The following TBC1D4 variants were observed in gnomAD, a reference collection of about 807,000 sequenced individuals.
The protein encoded by TBC1D4 is TBC (Tre-2, BUB2, CDC16) domain-containing protein.
In TBC1D4, 121 loss-of-function variants were observed where a neutral mutation model predicts 142.5. The observed-to-expected ratio is 0.85, with a 90% CI of 0.73 to 0.99. TBC1D4 has a LOEUF of 0.99. TBC1D4 is among the 50% of genes least tolerant of loss of function. The pLI, the probability that TBC1D4 is intolerant of heterozygous loss-of-function variation, is 0.00. For synonymous variants in TBC1D4, 630 were observed against 628.2 expected, an observed-to-expected ratio of 1.00 and a Z score of -0.04; for missense variants, 1,475 against 1,606.6, an observed-to-expected ratio of 0.92 and a Z score of 1.40.
At chr13:75,473,902 T>G (rs9543941) in intron 1 of TBC1D4, among the ~76,000 whole-genome samples, 16,577 of 152,240 alleles carry the variant, frequency 0.11, 1,051 homozygotes, top group Non-Finnish European at 0.14. Flanking sequence ...ATGGTTTACT[T>G]GTTTTTAAAT....
chr13:75,350,269 T>A (rs1346960593), intron 4 of TBC1D4, among the ~76,000 whole-genome samples: 1 of 152,186 alleles, frequency 6.6e-6, no homozygotes, highest in African/African-American at 2.4e-5. Flanking sequence ...TTTTATATTC[T>A]TTTCCCCTTC....
At chr13:75,443,335 T>G (rs943905786) in intron 1 of TBC1D4, among the ~76,000 whole-genome samples, 16 of 152,220 alleles carry the variant, frequency 1.1e-4, no homozygotes, top group African/African-American at 3.9e-4. Flanking sequence ...GTTTGAGTAT[T>G]TTTGTTATAA....
intron 1 of TBC1D4, among the ~76,000 whole-genome samples, chr13:75,399,094 C>A (rs1309064094): frequency 1.3e-5 from 2 of 152,184 alleles, no homozygotes; most frequent in East Asian, 1.9e-4. Context: ...GTAATCCCAG[C>A]ACTTTGGGAG....
intron 1 of TBC1D4, among the ~76,000 whole-genome samples, chr13:75,420,026 G>A (rs113290672): frequency 5.9e-5 from 9 of 152,304 alleles, no homozygotes; most frequent in Non-Finnish European, 8.8e-5. Context: ...AGAACACTGC[G>A]TGAACAAACA....
intron 12 of TBC1D4, among the ~76,000 whole-genome samples, chr13:75,316,160 C>A (rs1385898007): frequency 1.3e-5 from 2 of 152,062 alleles, no homozygotes; most frequent in Non-Finnish European, 2.9e-5. Context: ...AATCACCTTC[C>A]AATTCACTGC....
chr13:75,399,328 T>C (rs183907657), intron 1 of TBC1D4, among the ~76,000 whole-genome samples: 1 of 152,254 alleles, frequency 6.6e-6, no homozygotes, highest in African/African-American at 2.4e-5. Flanking sequence ...AGGCTGAGAA[T>C]TGGCTGAATT....
chr13:75,480,588 TCTA>T (rs1221745216), intron 1 of TBC1D4, among the ~76,000 whole-genome samples: 2 of 152,210 alleles, frequency 1.3e-5, no homozygotes, highest in Non-Finnish European at 2.9e-5. Context: ...AGAAACCTGT[TCTA>T]CTACACTGCC....
chr13:75,427,648 C>G (rs1180664036), intron 1 of TBC1D4, among the ~76,000 whole-genome samples: 2 of 152,226 alleles, frequency 1.3e-5, no homozygotes, highest in South Asian at 2.1e-4. Context: ...TTTAGACCTC[C>G]CTCGGCACTT....
At chr13:75,464,760 A>C (rs1291793517) in intron 1 of TBC1D4, among the ~76,000 whole-genome samples, 3 of 152,196 alleles carry the variant, frequency 2.0e-5, no homozygotes, top group African/African-American at 7.2e-5. Context: ...ACAAACTTAC[A>C]AACTGGCTTG....
At chr13:75,363,813 G>A (rs7327630) in intron 1 of TBC1D4, among the ~76,000 whole-genome samples, 30,367 of 152,140 alleles carry the variant, frequency 0.2, 3,319 homozygotes, top group East Asian at 0.34. Flanking sequence ...CAATCCAAAC[G>A]TCCATCAGCA....
rs567073672 is a variant in TBC1D4, at chr13:75,283,964, GGCTCACTGCAA to G, written c.*2817_*2827del. On this transcript the variant is annotated 3_prime_UTR_variant, in exon 21 of 21. Coordinates refer to ENST00000377636, the MANE Select transcript of TBC1D4 (RefSeq NM_014832.5). ...CCAGGCTAGAGTGCAGTGGCATGAT[GGCTCACTGCAA>G]GCTCACTGCAAGCTCCGCCTCCCAG... Among the ~76,000 whole-genome samples the G allele has an allele frequency of 1.3e-4, 19 of 151,938 alleles. No individual in the cohort carries two copies. In the South Asian group the frequency reaches 2.1e-3, roughly 17 times the overall value.
chr13:75,407,399 C>T lies in TBC1D4; in HGVS notation c.499-44792G>A, dbSNP rs1391538281. On this transcript the variant is annotated intron_variant, in intron 1 of 20. Coordinates refer to ENST00000377636, the MANE Select transcript of TBC1D4 (RefSeq NM_014832.5). The stretch of plus-strand genomic sequence containing the variant: ...GCCGGAAAGATTACACTTCTGAATT[C>T]TAGGAAGATGGCCACAGCAATGGAA... Among the ~76,000 whole-genome samples, 3 of 152,158 alleles carry T rather than the reference C, an allele frequency of 2.0e-5. No individual in the cohort carries two copies. In the East Asian group the frequency reaches 5.8e-4, roughly 29 times the overall value.
intron 1 of TBC1D4, among the ~76,000 whole-genome samples, chr13:75,410,914 C>A (rs1448864581): frequency 1.9e-5 from 2 of 106,686 alleles, no homozygotes; most frequent in African/African-American, 7.2e-5. Context: ...CCAGCCTGGG[C>A]GACAGAGCGA....
At chr13:75,469,784 C>CA (rs1478165360) in intron 1 of TBC1D4, among the ~76,000 whole-genome samples, 1 of 151,824 alleles carries the variant, frequency 6.6e-6, no homozygotes, top group Non-Finnish European at 1.5e-5. Flanking sequence ...CCTACCCCTC[C>CA]AAAAAAAGAG....
intron 16 of TBC1D4, among the ~76,000 whole-genome samples, chr13:75,301,177 T>C (rs576191): frequency 2.0e-3 from 299 of 152,238 alleles, no homozygotes; most frequent in African/African-American, 7.0e-3. Flanking sequence ...ACCTGACATA[T>C]ATCAACTTTT....
At chr13:75,328,385 A>G (rs1416892677) in intron 8 of TBC1D4, among the ~76,000 whole-genome samples, 1 of 152,210 alleles carries the variant, frequency 6.6e-6, no homozygotes, top group African/African-American at 2.4e-5. Context: ...GTCTGCTTCA[A>G]TACTGGTGAA....
In TBC1D4 at chr13:75,372,822, TAATAA is replaced by T. The variant is rs543419473; in HGVS notation, c.499-10220_499-10216del. On this transcript the variant is annotated intron_variant, in intron 1 of 20. Coordinates refer to ENST00000377636, the MANE Select transcript of TBC1D4 (RefSeq NM_014832.5). ...AAGTTTGGCAATAAAATTAATAAGT[TAATAA>T]AATAAAGTTAGACTGAAAAAATTTG... is the stretch of plus-strand genomic sequence containing the variant. Among the ~76,000 whole-genome samples, 5 of 152,322 alleles carry T rather than the reference TAATAA, an allele frequency of 3.3e-5. No homozygotes were observed. The South Asian group carries it at 8.3e-4, about 25-fold the overall frequency.
chr13:75,321,313 C>T (rs1238449354), intron 11 of TBC1D4, among the ~76,000 whole-genome samples: 4 of 152,014 alleles, frequency 2.6e-5, no homozygotes, highest in African/African-American at 9.6e-5. Flanking sequence ...TTTCAGAAAC[C>T]ATGCTCTTGA....
chr13:75,299,823 CA>C (rs56719877), intron 16 of TBC1D4, among the ~76,000 whole-genome samples: 1,840 of 105,836 alleles, frequency 0.017, 22 homozygotes, highest in East Asian at 0.093. Context: ...TTCTTTCCAG[CA>C]AAAAAAAAAA....
Sources: allele counts gnomAD v4.1 joint callset (sites outside exome capture counted in the v4.1 genomes callset), GRCh38; gene constraint gnomAD v4.1.1; transcripts MANE v1.5; gene names NCBI Gene and HGNC (gene_info 2026-07-23, HGNC 2026-07-21).